Variants in CACNA2D3 observed in about 807,000 individuals in gnomAD.
CACNA2D3 encodes calcium voltage-gated channel auxiliary subunit alpha2delta 3, also known as voltage-dependent calcium channel subunit alpha-2/delta-3.
In CACNA2D3, 60 loss-of-function variants were observed where a neutral mutation model predicts 160.6. The ratio of observed to expected loss-of-function variants is 0.37; its 90% CI spans 0.30 to 0.46. The LOEUF (loss-of-function observed/expected upper bound fraction) is 0.46, where lower values mean the gene tolerates loss of function less well. Ranked by LOEUF, CACNA2D3 falls within the 20% of genes least tolerant of loss-of-function variation. CACNA2D3 has a pLI of 1.00. For synonymous variants in CACNA2D3, 558 were observed against 492.9 expected (o/e 1.13, Z -1.75); for missense variants, 1,205 against 1,365.0 (o/e 0.88, Z 1.85).
chr3:54,606,685 C>A lies in CACNA2D3; in HGVS notation c.964-21102C>A, dbSNP rs565273149. ...GAGGCTCCCGCTCGCTCCATTCCAG[C>A]CTGCATTTGTGGTGCTGCAGCCCTG... is the stretch of plus-strand genomic sequence containing the variant. On this transcript the variant is annotated intron_variant, in intron 9 of 37. Transcript: ENST00000474759. 2.5e-3 allele frequency among the ~76,000 whole-genome samples: 374 copies of A among 152,212 alleles called. 3 individuals are homozygous for A. In the Middle Eastern group the frequency reaches 0.041, roughly 17 times the overall value.
intron 11 of CACNA2D3, among the ~76,000 whole-genome samples, chr3:54,735,294 CCT>C (rs1456662349): frequency 6.6e-6 from 1 of 152,198 alleles, no homozygotes; most frequent in Non-Finnish European, 1.5e-5. Flanking sequence ...GAAGCCATGA[CCT>C]CTGGGAAGCT....
intron 2 of CACNA2D3, among the ~76,000 whole-genome samples, chr3:54,165,278 C>G (rs575948301): frequency 6.6e-6 from 1 of 152,028 alleles, no homozygotes; most frequent in Non-Finnish European, 1.5e-5. Flanking sequence ...CACCCCCCAC[C>G]AAGTATTTCT....
chr3:54,660,321 C>T lies in CACNA2D3; in HGVS notation c.1167+18080C>T, dbSNP rs548153019. ...GACTACAGGCGCCCACCACCATGCC[C>T]GGCTAATTTTTTGTATTTTTAGTAG... is the stretch of plus-strand genomic sequence containing the variant. On this transcript the variant is annotated intron_variant, in intron 11 of 37. Coordinates refer to ENST00000474759, the MANE Select transcript of CACNA2D3 (RefSeq NM_018398.3). Among the ~76,000 whole-genome samples the T allele has an allele frequency of 5.3e-5, 8 of 152,094 alleles. No homozygotes were observed. The South Asian group carries it at 8.3e-4, about 16-fold the overall frequency.
At chr3:54,684,212 G>C (rs952740081) in intron 11 of CACNA2D3, among the ~76,000 whole-genome samples, 1 of 151,948 alleles carries the variant, frequency 6.6e-6, no homozygotes, top group Non-Finnish European at 1.5e-5. Context: ...TGCCCGTCTT[G>C]GCCTCCCAAA....
intron 4 of CACNA2D3, among the ~76,000 whole-genome samples, chr3:54,469,864 G>A (rs1700697938): frequency 6.6e-6 from 1 of 152,016 alleles, no homozygotes; most frequent in African/African-American, 2.4e-5. Context: ...GATAAAGTGT[G>A]AAGACAAGAT....
intron 2 of CACNA2D3, among the ~76,000 whole-genome samples, chr3:54,249,661 G>GTACACACA (rs1702145922): frequency 1.3e-5 from 1 of 79,974 alleles, no homozygotes; most frequent in African/African-American, 7.9e-5. Context: ...CTCTGTTTAC[G>GTACACACA]TACACACACA....
chr3:54,987,238 A>T (rs1007310800), intron 30 of CACNA2D3, among the ~76,000 whole-genome samples: 2 of 152,188 alleles, frequency 1.3e-5, no homozygotes, highest in Non-Finnish European at 2.9e-5. Context: ...GATGAAGTGG[A>T]CTGCTGTATT....
intron 14 of CACNA2D3, among the ~76,000 whole-genome samples, chr3:54,830,292 C>T (rs1332813387): frequency 2.0e-5 from 3 of 151,766 alleles, no homozygotes; most frequent in Non-Finnish European, 2.9e-5. Flanking sequence ...CATAATGTCT[C>T]GTCTGATTTA....
intron 27 of CACNA2D3, among the ~76,000 whole-genome samples, chr3:54,914,181 C>A (rs2106914115): frequency 6.6e-6 from 1 of 152,016 alleles, no homozygotes; most frequent in African/African-American, 2.4e-5. Flanking sequence ...TCCATTTCTT[C>A]TGTAAAATAA....
chr3:54,785,264 T>C (rs147038505), intron 13 of CACNA2D3, among the ~76,000 whole-genome samples: 5 of 152,350 alleles, frequency 3.3e-5, no homozygotes, highest in African/African-American at 1.2e-4. Flanking sequence ...ATGTCCATTT[T>C]GATTTTTTTT....
intron 29 of CACNA2D3, among the ~76,000 whole-genome samples, chr3:54,973,631 C>T (rs781761258): frequency 1.8e-4 from 28 of 152,098 alleles, no homozygotes; most frequent in South Asian, 2.1e-4. Flanking sequence ...GGCAGCCAGG[C>T]GCCTGCCTGC....
At position 54,295,812 on chromosome 3, in the gene CACNA2D3, A is replaced by G. The variant is rs185868844; in HGVS notation, c.205-24630A>G. On this transcript the variant is annotated intron_variant, in intron 2 of 37. Coordinates refer to ENST00000474759, the MANE Select transcript of CACNA2D3 (RefSeq NM_018398.3). ...AATTGTGAGGGATCCGTAGCTTTCT[A>G]TAAATTTTTGTAGTTATCTTACTTA... Among the ~76,000 whole-genome samples, 682 of 152,290 alleles carry G rather than the reference A, an allele frequency of 4.5e-3. 6 individuals are homozygous for G. The highest frequency in any genetic ancestry group is 0.015 in the African/African-American group (642 of 41,550).
chr3:54,934,816 C>G (rs146324452), intron 27 of CACNA2D3, among the ~76,000 whole-genome samples: 3,000 of 152,258 alleles, frequency 0.02, 42 homozygotes, highest in Non-Finnish European at 0.028. Context: ...ACTGCAACTT[C>G]CATCTCCAAG....
At chr3:54,940,808 T>C (rs546015786) in intron 27 of CACNA2D3, among the ~76,000 whole-genome samples, 44 of 152,288 alleles carry the variant, frequency 2.9e-4, no homozygotes, top group Non-Finnish European at 6.3e-4. Flanking sequence ...GTGGAATTTT[T>C]CTGAAACCCA....
At chr3:54,375,836 T>C (rs547082957) in intron 3 of CACNA2D3, among the ~76,000 whole-genome samples, 146 of 152,156 alleles carry the variant, frequency 9.6e-4, no homozygotes, top group African/African-American at 3.3e-3. Context: ...AGAGAAGAGA[T>C]GGCCGTGGCT....
chr3:54,430,463 T>A (rs1040410012), intron 4 of CACNA2D3, among the ~76,000 whole-genome samples: 4 of 152,208 alleles, frequency 2.6e-5, no homozygotes, highest in African/African-American at 2.4e-5. Flanking sequence ...TTTATAACTC[T>A]TTGTCTCCAG....
chr3:54,822,773 T>TC (rs1491558327), intron 14 of CACNA2D3, among the ~76,000 whole-genome samples: 24 of 90,106 alleles, frequency 2.7e-4, no homozygotes, highest in Admixed American at 5.1e-4. Flanking sequence ...TTTCTTTCTT[T>TC]CTTTCTTTCT....
chr3:54,287,667 T>C (rs1703068697), intron 2 of CACNA2D3, among the ~76,000 whole-genome samples: 1 of 143,630 alleles, frequency 7.0e-6, no homozygotes, highest in Non-Finnish European at 1.5e-5. Context: ...ATTGACCACA[T>C]ACTTGGAAGT....
intron 27 of CACNA2D3, among the ~76,000 whole-genome samples, chr3:54,946,720 C>T (rs1701623559): frequency 6.6e-6 from 1 of 151,910 alleles, no homozygotes; most frequent in Non-Finnish European, 1.5e-5. Flanking sequence ...GCTCACTTCT[C>T]CACTGGATGC....
Sources: allele counts gnomAD v4.1 joint callset (sites outside exome capture counted in the v4.1 genomes callset), GRCh38; gene constraint gnomAD v4.1.1; transcripts MANE v1.5; gene names NCBI Gene and HGNC (gene_info 2026-07-23, HGNC 2026-07-21).